Variants in CD200R1 observed in about 807,000 individuals in gnomAD.
The protein encoded by CD200R1 is cell surface glycoprotein CD200 receptor 1.
In CD200R1, 30 loss-of-function variants were observed where a neutral mutation model predicts 38.1. That is an observed-to-expected ratio of 0.79 (90% confidence interval 0.59 to 1.07). CD200R1 has a LOEUF of 1.07. Among genes scored for constraint, CD200R1 ranks in the 50% least tolerant of loss-of-function variants. The probability of loss-of-function intolerance (pLI) is 0.00; values close to 1 mark genes in which losing one functional copy is unlikely to be tolerated. For missense variants in CD200R1, 372 were observed against 415.4 expected (o/e 0.90, Z 0.91); for synonymous variants, 128 against 152.1 (o/e 0.84, Z 1.16).
At chr3:112,961,561 G>A (rs983303531) in intron 1 of CD200R1, among the ~76,000 whole-genome samples, 2 of 151,510 alleles carry the variant, frequency 1.3e-5, no homozygotes, top group Admixed American at 1.3e-4. Context: ...AAAAGTTCCA[G>A]GCAAACTGAT....
At chr3:112,952,459 A>T (rs1940987831) in intron 1 of CD200R1, among the ~76,000 whole-genome samples, 1 of 152,232 alleles carries the variant, frequency 6.6e-6, no homozygotes. Context: ...TGCAGCCATT[A>T]AAAATGATGA....
At chr3:112,926,208 GGAATT>G (rs1940278123) in intron 5 of CD200R1, among the ~76,000 whole-genome samples, 2 of 152,162 alleles carry the variant, frequency 1.3e-5, no homozygotes. Context: ...AATCAACCAA[GGAATT>G]GCCAGCCTGA....
intron 2 of CD200R1, among the ~76,000 whole-genome samples, chr3:112,936,440 T>G (rs1230879221): frequency 6.6e-6 from 1 of 152,256 alleles, no homozygotes; most frequent in Non-Finnish European, 1.5e-5. Flanking sequence ...AGTGTTCCTT[T>G]TTCTCCATAA....
intron 1 of CD200R1, among the ~76,000 whole-genome samples, chr3:112,955,427 A>C (rs1453349310): frequency 6.6e-6 from 1 of 151,988 alleles, no homozygotes; most frequent in Non-Finnish European, 1.5e-5. Flanking sequence ...TGTTGGGTAC[A>C]TATATATATT....
intron 1 of CD200R1, among the ~76,000 whole-genome samples, chr3:112,969,218 A>G (rs1933239736): frequency 6.6e-6 from 1 of 152,178 alleles, no homozygotes; most frequent in African/African-American, 2.4e-5. Flanking sequence ...GAAGAGGAGA[A>G]AGGAAATTGT....
At chr3:112,924,588 C>A (rs1028273189) in intron 6 of CD200R1, 53 bp from the exon 7 acceptor site, 1 of 1,020,314 alleles carries the variant, frequency 9.8e-7, no homozygotes, top group South Asian at 3.5e-5. Flanking sequence ...TTGTTTAGAT[C>A]GAAAATGGGA....
Position 112,975,004 on chromosome 3 carries a change from C to T in CD200R1, c.-147G>A. The T allele has an allele frequency of 3.1e-6, 2 of 644,910 alleles. No homozygotes were observed. Among genetic ancestry groups the T allele is most frequent in the Non-Finnish European group, 5.5e-6 (2 of 360,828 alleles). The allele number at this position is 644,910 out of a possible 1,614,324, so 39.9% of individuals were successfully genotyped here. A position where few individuals can be genotyped will look rare whatever the true frequency, so the allele number is the denominator to read the frequency against. ...TCAACAGTGGGGCACTCCCTTCCTT[C>T]TAGCCCCTTCCTTCACGTCTATGTG... On this transcript the variant is annotated 5_prime_UTR_variant, in exon 1 of 8. Coordinates refer to ENST00000308611, the MANE Select transcript of CD200R1 (RefSeq NM_138806.4).
At chr3:112,939,252 A>G (rs1940660167) in intron 2 of CD200R1, among the ~76,000 whole-genome samples, 1 of 152,060 alleles carries the variant, frequency 6.6e-6, no homozygotes, top group African/African-American at 2.4e-5. Flanking sequence ...GTTATTCAAG[A>G]TAGTACTGGA....
At chr3:112,946,294 C>G (rs568390411) in intron 2 of CD200R1, among the ~76,000 whole-genome samples, 2 of 152,306 alleles carry the variant, frequency 1.3e-5, no homozygotes, top group Admixed American at 1.3e-4. Context: ...AAGGCAAATT[C>G]AAGTTTTGCT....
chr3:112,940,034 G>GAT (rs200176262), intron 2 of CD200R1, among the ~76,000 whole-genome samples: 3,252 of 151,880 alleles, frequency 0.021, 39 homozygotes, highest in South Asian at 0.047. Context: ...ACAGTCAACT[G>GAT]CTTTGACAAA....
chr3:112,930,628 A>G (rs1355887488), intron 3 of CD200R1, among the ~76,000 whole-genome samples: 1 of 152,202 alleles, frequency 6.6e-6, no homozygotes, highest in Non-Finnish European at 1.5e-5. Flanking sequence ...TAACAAAGGT[A>G]AGTGTCAGTG....
chr3:112,948,632 C>T lies in CD200R1; in HGVS notation c.68-708G>A, dbSNP rs544325703. On this transcript the variant is annotated intron_variant, in intron 1 of 7. Transcript: ENST00000308611. ...CAGGCCGCAATTCTCACTCACCTGC[C>T]GCTCACCCCCTGCTGTGCGGCCCAA... Among the ~76,000 whole-genome samples the T allele has an allele frequency of 9.1e-4, 138 of 152,256 alleles. 4 individuals are homozygous for T. The South Asian group carries it at 0.028, about 31-fold the overall frequency.
At chr3:112,948,432 G>A (rs1235155674) in intron 1 of CD200R1, among the ~76,000 whole-genome samples, 1 of 152,192 alleles carries the variant, frequency 6.6e-6, no homozygotes, top group Non-Finnish European at 1.5e-5. Context: ...CACGGACAAG[G>A]AGGAAGGGAG....
At chr3:112,956,492 C>T (rs112299790) in intron 1 of CD200R1, among the ~76,000 whole-genome samples, 7 of 152,124 alleles carry the variant, frequency 4.6e-5, no homozygotes, top group African/African-American at 1.4e-4. Flanking sequence ...AGCTCTCTGT[C>T]AGGCTATTCA....
At chr3:112,951,741 C>T (rs1038204052) in intron 1 of CD200R1, among the ~76,000 whole-genome samples, 6 of 149,318 alleles carry the variant, frequency 4.0e-5, no homozygotes, top group African/African-American at 1.5e-4. Context: ...TCTATACTAG[C>T]ACAAACAATT....
rs1933030564 is a variant in CD200R1 at position 112,961,962 on chromosome 3, A to G, written c.67+12829T>C. Among the ~76,000 whole-genome samples, 3 of 152,182 alleles carry G rather than the reference A, an allele frequency of 2.0e-5. No individual in the cohort carries two copies. The South Asian group carries it at 6.2e-4, about 31-fold the overall frequency. On this transcript the variant is annotated intron_variant, in intron 1 of 7. Transcript: ENST00000308611. ...AAAATAAAACATACAGATGGGTTATAAAAAGAAAGGTGAGAAGTGTTTAGA... is the reference window on the plus strand; with the variant it reads ...AAAATAAAACATACAGATGGGTTATGAAAAGAAAGGTGAGAAGTGTTTAGA...
At chr3:112,925,236 A>T (rs757942659) in intron 5 of CD200R1, 43 bp from the exon 6 acceptor site, 1 of 900,594 alleles carries the variant, frequency 1.1e-6, no homozygotes, top group Admixed American at 2.0e-5. Flanking sequence ...GTACAATCCA[A>T]ATAATGTACT....
Position 112,929,701 on chromosome 3 carries a change from A to G in CD200R1, c.203-194T>C, listed in dbSNP as rs541109709. 1.2e-4 allele frequency among the ~76,000 whole-genome samples: 18 copies of G among 152,194 alleles called. No homozygotes were observed. In the South Asian group the frequency reaches 3.3e-3, roughly 28 times the overall value. On this transcript the variant is annotated intron_variant, in intron 3 of 7. Coordinates refer to ENST00000308611, the MANE Select transcript of CD200R1 (RefSeq NM_138806.4). Reference sequence around the variant, plus strand: ...TTGAACCCAATCTAGAGATTAACCAATTTTCTCCTGTATTATGTATTATTA... The same window carrying G: ...TTGAACCCAATCTAGAGATTAACCAGTTTTCTCCTGTATTATGTATTATTA...
intron 2 of CD200R1, among the ~76,000 whole-genome samples, chr3:112,942,436 A>G (rs756650315): frequency 6.6e-6 from 1 of 151,706 alleles, no homozygotes; most frequent in Non-Finnish European, 1.5e-5. Context: ...AGCTCAAGTG[A>G]TGACTAAAAA....
Sources: gnomAD v4.1 joint callset for allele counts (sites outside exome capture counted in the v4.1 genomes callset) on GRCh38, gnomAD v4.1.1 for gene constraint, MANE v1.5 for transcripts, NCBI Gene and HGNC (gene_info 2026-07-23, HGNC 2026-07-21) for gene names.